The following MFSD12 variants were observed in gnomAD, a reference collection of about 807,000 sequenced individuals.
MFSD12 encodes major facilitator superfamily domain-containing protein 12.
MFSD12 carries 67 observed loss-of-function variants against 51.2 expected under a neutral mutation model. The ratio of observed to expected loss-of-function variants is 1.31; its 90% CI spans 1.08 to 1.60. MFSD12 has a LOEUF of 1.60. Among genes scored for constraint, MFSD12 ranks in the 40% most tolerant of loss-of-function variants. The probability of loss-of-function intolerance (pLI) is 0.00; values close to 1 mark genes in which losing one functional copy is unlikely to be tolerated. For missense variants in MFSD12, 921 were observed against 673.0 expected (o/e 1.37, Z -4.08); for synonymous variants, 441 against 316.7 (o/e 1.39, Z -4.17).
At chr19:3,541,290 C>T (rs943921280), downstream of MFSD12, among the ~76,000 whole-genome samples, 2 of 151,664 alleles carry the variant, frequency 1.3e-5, no homozygotes, top group Admixed American at 6.6e-5. Context: ...GAGCCGAAAT[C>T]GTGCCACTGC....
chr19:3,547,982 A>G lies in MFSD12; in HGVS notation c.703T>C (p.Phe235Leu). 3.1e-6 allele frequency: 5 copies of G among 1,598,830 alleles called. No homozygotes were observed. Among genetic ancestry groups the G allele is most frequent in the Non-Finnish European group, 4.2e-6 (5 of 1,179,110 alleles). The stretch of plus-strand genomic sequence containing the variant: ...CGCCTCTCCCGGGTGCCCAGGTGGA[A>G]TAGCAGTGAGAACACGGCGCCGACA... ...VGVGAVFSLL[F>L]HLGTRERRRP... Residue 235 changes from phenylalanine to leucine, a missense_variant, in exon 4 of 10, where the codon TTC becomes CTC. Physicochemically the swap from Phe to Leu is conservative, Grantham distance 22. Coordinates refer to ENST00000355415, the MANE Select transcript of MFSD12 (RefSeq NM_174983.5).
downstream of MFSD12, chr19:3,539,259 A>G: frequency 6.5e-7 from 1 of 1,544,700 alleles, no homozygotes; most frequent in Non-Finnish European, 8.8e-7. Flanking sequence ...ACCGCTGTAC[A>G]GGTGAGCCCC....
downstream of MFSD12, chr19:3,543,379 G>A (rs1479624086): frequency 6.5e-7 from 1 of 1,549,198 alleles, no homozygotes; most frequent in Non-Finnish European, 8.7e-7. Context: ...GGGAAGCCTG[G>A]TACAACCTGC....
chr19:3,547,206 G>T, intron 6 of MFSD12, 66 bp downstream of exon 6: 2 of 1,395,684 alleles, frequency 1.4e-6, no homozygotes, highest in South Asian at 1.2e-5. Flanking sequence ...ACCCGGAGCG[G>T]GTGGGATCTC....
At chr19:3,556,979 G>A in intron 1 of MFSD12, 127 bp downstream of exon 1, 1 of 948,192 alleles carries the variant, frequency 1.1e-6, no homozygotes, top group Non-Finnish European at 1.5e-6. Flanking sequence ...CCACGGGACA[G>A]ACAGACCGAG....
downstream of MFSD12, chr19:3,541,472 A>C (rs533837357): frequency 1.3e-5 from 2 of 157,826 alleles, no homozygotes; most frequent in Non-Finnish European, 2.7e-5. Context: ...ACAGGCACCC[A>C]CCACCACGCC....
chr19:3,541,285 G>T (rs1051614383), downstream of MFSD12, among the ~76,000 whole-genome samples: 1 of 151,652 alleles, frequency 6.6e-6, no homozygotes, highest in Non-Finnish European at 1.5e-5. Flanking sequence ...GCAGTGAGCC[G>T]AAATCGTGCC....
At chr19:3,538,365 C>T in exon 5 of MFSD12, 1 of 234,286 alleles carries the variant, frequency 4.3e-6, no homozygotes, top group South Asian at 4.7e-5. Flanking sequence ...CCACGCCGTG[C>T]AGCCATCCCA....
chr19:3,544,479 G>C lies in MFSD12; in HGVS notation c.*231C>G, dbSNP rs1599818895. The C allele has an allele frequency of 1.5e-6, 2 of 1,376,090 alleles. No individual in the cohort carries two copies. The highest frequency in any genetic ancestry group is 5.3e-5 in the East Asian group (2 of 37,880). 85.2% of individuals were successfully genotyped at this position (1,376,090 alleles called of 1,614,324 possible). A position where few individuals can be genotyped will look rare whatever the true frequency, so the allele number is the denominator to read the frequency against. ...CACCCCAAATCCTCCAGAGGGCTGG[G>C]ATGGATTAGAGTTGAGAATGGGACA... On this transcript the variant is annotated 3_prime_UTR_variant, in exon 10 of 10. Transcript: ENST00000355415.
intron 1 of MFSD12, among the ~76,000 whole-genome samples, chr19:3,552,143 G>C (rs895374790): frequency 2.0e-5 from 3 of 151,898 alleles, no homozygotes; most frequent in Non-Finnish European, 4.4e-5. Flanking sequence ...GGGAGACCCA[G>C]CATGGAACTC....
chr19:3,547,394 C>T (rs767404507), intron 5 of MFSD12, 30 bp from the exon 6 acceptor site: 13 of 1,612,718 alleles, frequency 8.1e-6, no homozygotes, highest in Non-Finnish European at 1.1e-5. Flanking sequence ...CATGCCGTGT[C>T]AGTCATGGCT....
chr19:3,557,337 G>T lies in MFSD12; in HGVS notation c.67C>A (p.Leu23Met). ...SPRPLSLVARLSYAVGHFLND... is the reference protein window; with the variant it reads ...SPRPLSLVARMSYAVGHFLND... The stretch of plus-strand genomic sequence containing the variant: ...AGGAAGTGGCCCACGGCGTAGCTCA[G>T]CCGCGCCACCAGGGACAGCGGCCGC... The change falls in exon 1 of 10, where the codon CTG becomes ATG. Residue 23 changes from leucine to methionine, a missense_variant. By Grantham distance (15) the Leu-to-Met change is conservative (BLOSUM62 2). Coordinates refer to ENST00000355415, the MANE Select transcript of MFSD12 (RefSeq NM_174983.5). 6.4e-7 allele frequency: 1 copy of T among 1,555,572 alleles called. No individual in the cohort carries two copies. Among genetic ancestry groups the T allele is most frequent in the Non-Finnish European group, 8.7e-7 (1 of 1,153,908 alleles).
Position 3,544,615 on chromosome 19 carries a change from A to C in MFSD12, c.*95T>G. On this transcript the variant is annotated 3_prime_UTR_variant, in exon 10 of 10. Coordinates refer to ENST00000355415, the MANE Select transcript of MFSD12 (RefSeq NM_174983.5). ...GATGGAGGGTGGGGGTCCAGAGAAG[A>C]GTGAGGGGCAGTGGGGGCTTTTCCC... 2 of 1,508,238 alleles carry C rather than the reference A, an allele frequency of 1.3e-6. No individual in the cohort carries two copies. The highest frequency in any genetic ancestry group is 1.3e-5 in the South Asian group (1 of 76,992). 93.4% of individuals were successfully genotyped at this position (1,508,238 alleles called of 1,614,324 possible).
downstream of MFSD12, chr19:3,539,365 T>G: frequency 1.4e-6 from 1 of 694,612 alleles, no homozygotes. Flanking sequence ...GTGTCACTCG[T>G]TATTCCTAAA....
At chr19:3,545,069 C>CA in intron 8 of MFSD12, 130 bp from the exon 9 acceptor site, 1 of 1,257,310 alleles carries the variant, frequency 8.0e-7, no homozygotes, top group Non-Finnish European at 1.1e-6. Flanking sequence ...GGGGCCCTGC[C>CA]ACTCCCTCCC....
Position 3,548,191 on chromosome 19 carries a change from G to A in MFSD12, c.586C>T (p.Arg196Trp), listed in dbSNP as rs780651751. Reference sequence around the variant, plus strand: ...CTGATGTCTTGGGTGGGCTCCACCCGCGACGAGCCCTGCAGGTGCAGCAGG... The same window carrying A: ...CTGATGTCTTGGGTGGGCTCCACCCACGACGAGCCCTGCAGGTGCAGCAGG... ...WLLLHLQGSS[R>W]VEPTQDISIS... Residue 196 changes from arginine (R) to tryptophan (W), a missense_variant, in exon 3 of 10, where the codon CGG (arginine) becomes TGG (tryptophan). Physicochemically the swap from Arg to Trp is moderately radical, Grantham distance 101. Transcript: ENST00000355415. 25 of 1,576,878 alleles carry A rather than the reference G, an allele frequency of 1.6e-5. No homozygotes were observed. The highest frequency in any genetic ancestry group is 7.1e-5 in the East Asian group (3 of 42,458).
downstream of MFSD12, chr19:3,543,626 A>ACC (rs1468269081): frequency 6.5e-7 from 1 of 1,544,094 alleles, no homozygotes. Context: ...GGCCCCCAGC[A>ACC]CCCGGTGGGG....
At chr19:3,538,915 CCCCAGGTGG>C (rs1239382070) in intron 4 of MFSD12, 1 of 660,956 alleles carries the variant, frequency 1.5e-6, no homozygotes, top group Non-Finnish European at 2.8e-6. Context: ...AGAAGCCAGA[CCCCAGGTGG>C]GGGGTGCATA....
rs747355651 is a variant in MFSD12, at chr19:3,557,067, G to A, written c.298+39C>T. On this transcript the variant is annotated intron_variant, in intron 1 of 9. Coordinates refer to ENST00000355415, the MANE Select transcript of MFSD12 (RefSeq NM_174983.5). ...GAGGCGCCCGGGTCGCGGAGTCTCG[G>A]AGGGGCTGCCCGACAGGTGGCGGGG... The A allele has an allele frequency of 2.3e-5, 33 of 1,421,250 alleles. No homozygotes were observed. In the South Asian group the frequency reaches 5.0e-4, roughly 22 times the overall value. 88.0% of individuals were successfully genotyped at this position (1,421,250 alleles called of 1,614,324 possible).
Sources: gnomAD v4.1 joint callset for allele counts (sites outside exome capture counted in the v4.1 genomes callset) on GRCh38, gnomAD v4.1.1 for gene constraint, MANE v1.5 for transcripts, NCBI Gene and HGNC (gene_info 2026-07-23, HGNC 2026-07-21) for gene names.